The following RABGEF1 variants were observed in gnomAD, a reference collection of about 807,000 sequenced individuals.
RABGEF1 encodes RAB guanine nucleotide exchange factor 1.
Under a neutral mutation model 57.3 loss-of-function variants are expected in RABGEF1, and 26 were observed. The observed-to-expected ratio is 0.45, with a 90% confidence interval of 0.33 to 0.63. The LOEUF (loss-of-function observed/expected upper bound fraction) is 0.63, where lower values mean the gene tolerates loss of function less well. Among genes scored for constraint, RABGEF1 ranks in the 20% least tolerant of loss-of-function variants. The pLI, the probability that RABGEF1 is intolerant of heterozygous loss-of-function variation, is 0.02. For missense variants in RABGEF1, 464 were observed against 607.6 expected, an observed-to-expected ratio of 0.76 and a Z score of 2.48; for synonymous variants, 185 against 210.7, an observed-to-expected ratio of 0.88 and a Z score of 1.06.
At chr7:66,805,847 C>A (rs1011284445) in intron 8 of RABGEF1, among the ~76,000 whole-genome samples, 1 of 151,908 alleles carries the variant, frequency 6.6e-6, no homozygotes, top group Non-Finnish European at 1.5e-5. Flanking sequence ...TGGGCTCAAG[C>A]AATCCTCTCA....
intron 2 of RABGEF1, among the ~76,000 whole-genome samples, chr7:66,727,647 G>A (rs1444347770): frequency 2.6e-5 from 4 of 152,210 alleles, no homozygotes; most frequent in South Asian, 2.1e-4. Context: ...GCAGTGAGTC[G>A]GGAAGGCCGG....
chr7:66,681,402 T>C (rs1789723122), upstream of RABGEF1, among the ~76,000 whole-genome samples: 1 of 151,036 alleles, frequency 6.6e-6, no homozygotes, highest in South Asian at 2.1e-4. Context: ...GCTTTTTTTT[T>C]TTTTTTTTCT....
intron 2 of RABGEF1, among the ~76,000 whole-genome samples, chr7:66,723,388 T>A: frequency 6.6e-6 from 1 of 152,332 alleles, no homozygotes; most frequent in South Asian, 2.1e-4. Context: ...ATGTGAATCT[T>A]TAACTTTTCA....
At chr7:66,793,808 A>T (rs1359223403) in intron 4 of RABGEF1, among the ~76,000 whole-genome samples, 1 of 152,108 alleles carries the variant, frequency 6.6e-6, no homozygotes, top group African/African-American at 2.4e-5. Flanking sequence ...GTGTCCTGCC[A>T]TCCTTTTAGA....
chr7:66,671,305 G>C, the RABGEF1 span, among the ~76,000 whole-genome samples: 1 of 152,104 alleles, frequency 6.6e-6, no homozygotes, highest in African/African-American at 2.4e-5. Flanking sequence ...TCAGCCTCCT[G>C]AATAGCTGGG....
chr7:66,708,641 A>G (rs1794416107), intron 1 of RABGEF1, among the ~76,000 whole-genome samples: 2 of 152,084 alleles, frequency 1.3e-5, no homozygotes, highest in East Asian at 1.9e-4. Flanking sequence ...CCATCTCTAC[A>G]AAAATAAAAT....
At chr7:66,670,997 C>G in the RABGEF1 span, among the ~76,000 whole-genome samples, 16 of 151,190 alleles carry the variant, frequency 1.1e-4, no homozygotes, top group South Asian at 3.3e-3. Flanking sequence ...ATTTATGTAT[C>G]TATATATATC....
Position 66,749,411 on chromosome 7 carries a change from C to T in RABGEF1, c.-18+8619C>T, listed in dbSNP as rs554162626. 3.2e-4 allele frequency among the ~76,000 whole-genome samples: 49 copies of T among 152,264 alleles called. 1 individual carries two copies. The highest frequency in any genetic ancestry group is 2.6e-3 in the Admixed American group (40 of 15,284). On this transcript the variant is annotated intron_variant, in intron 1 of 8. Transcript: ENST00000284957. ...AATTGTATATCCATAAAGCTTTTGA[C>T]ATTGTTTTCTAAATGTGTTCCTCAA...
chr7:66,752,886 A>G (rs1025545507), intron 1 of RABGEF1, among the ~76,000 whole-genome samples: 1 of 152,190 alleles, frequency 6.6e-6, no homozygotes, highest in African/African-American at 2.4e-5. Context: ...GGAAGGGACA[A>G]AAGTGAGAGA....
the RABGEF1 span, among the ~76,000 whole-genome samples, chr7:66,659,124 A>G: frequency 1.3e-5 from 2 of 152,154 alleles, no homozygotes; most frequent in Non-Finnish European, 2.9e-5. Flanking sequence ...CAACTGACCA[A>G]TATTGCTTAT....
At chr7:66,742,935 A>G (rs1799337278) in intron 1 of RABGEF1, among the ~76,000 whole-genome samples, 1 of 152,156 alleles carries the variant, frequency 6.6e-6, no homozygotes, top group African/African-American at 2.4e-5. Flanking sequence ...AAAGTGCAGG[A>G]CAGAGATGTA....
intron 3 of RABGEF1, among the ~76,000 whole-genome samples, chr7:66,779,670 TAA>T (rs373692116): frequency 6.4e-5 from 8 of 124,140 alleles, no homozygotes; most frequent in Non-Finnish European, 8.6e-5. Flanking sequence ...AGACCCTGAT[TAA>T]AAAAAAAAAA....
intron 1 of RABGEF1, among the ~76,000 whole-genome samples, chr7:66,762,133 A>G (rs1804551164): frequency 6.6e-6 from 1 of 152,164 alleles, no homozygotes. Context: ...GGGACTGTGG[A>G]CGAAAACCAA....
At chr7:66,675,656 T>C in the RABGEF1 span, among the ~76,000 whole-genome samples, 14 of 152,318 alleles carry the variant, frequency 9.2e-5, no homozygotes, top group Admixed American at 7.9e-4. Flanking sequence ...TCATGAACGA[T>C]GTGGTCTTAT....
intron 1 of RABGEF1, among the ~76,000 whole-genome samples, chr7:66,702,150 G>A (rs1211836098): frequency 6.6e-6 from 1 of 152,206 alleles, no homozygotes; most frequent in African/African-American, 2.4e-5. Flanking sequence ...AGAATCAACA[G>A]TAGGTCACTT....
chr7:66,761,976 G>T (rs1417039059), intron 1 of RABGEF1, among the ~76,000 whole-genome samples: 1 of 151,968 alleles, frequency 6.6e-6, no homozygotes, highest in Non-Finnish European at 1.5e-5. Context: ...ACTTGAACCC[G>T]GGAGGTAGCG....
At chr7:66,751,455 A>G (rs922874920) in intron 1 of RABGEF1, among the ~76,000 whole-genome samples, 2 of 152,154 alleles carry the variant, frequency 1.3e-5, no homozygotes, top group African/African-American at 2.4e-5. Context: ...AGTTATCTGA[A>G]TGTGAGACAT....
At chr7:66,759,819 T>C (rs1359528682) in intron 1 of RABGEF1, among the ~76,000 whole-genome samples, 1 of 152,196 alleles carries the variant, frequency 6.6e-6, no homozygotes, top group Admixed American at 6.5e-5. Flanking sequence ...ACTTCCAACA[T>C]TGGGGATTAC....
intron 6 of RABGEF1, among the ~76,000 whole-genome samples, chr7:66,799,102 A>C (rs1427325726): frequency 6.6e-6 from 1 of 152,260 alleles, no homozygotes; most frequent in Non-Finnish European, 1.5e-5. Flanking sequence ...TCAGTCAGCA[A>C]GATGGCCTTC....
Sources: gnomAD v4.1 joint callset for allele counts (sites outside exome capture counted in the v4.1 genomes callset) on GRCh38, gnomAD v4.1.1 for gene constraint, MANE v1.5 for transcripts, NCBI Gene and HGNC (gene_info 2026-07-23, HGNC 2026-07-21) for gene names.